The following ARHGAP26 variants were observed in gnomAD, a reference collection of about 807,000 sequenced individuals.
ARHGAP26 encodes the protein rho GTPase-activating protein 26.
Under a neutral mutation model 104.8 loss-of-function variants are expected in ARHGAP26, and 38 were observed. That is an observed-to-expected ratio of 0.36 (90% confidence interval 0.28 to 0.48). The LOEUF is 0.48. Among genes scored for constraint, ARHGAP26 ranks in the 20% least tolerant of loss-of-function variants. The probability of loss-of-function intolerance (pLI) is 0.99; values close to 1 mark genes in which losing one functional copy is unlikely to be tolerated. For synonymous variants in ARHGAP26, 341 were observed against 340.0 expected, an observed-to-expected ratio of 1.00 and a Z score of -0.03; for missense variants, 704 against 947.9, an observed-to-expected ratio of 0.74 and a Z score of 3.38.
intron 14 of ARHGAP26, among the ~76,000 whole-genome samples, chr5:143,043,924 A>G (rs1018438273): frequency 6.6e-6 from 1 of 152,226 alleles, no homozygotes; most frequent in South Asian, 2.1e-4. Flanking sequence ...CAAAGGGTCT[A>G]TGGTGGCTAC....
chr5:142,949,586 A>C (rs140598877), intron 11 of ARHGAP26, among the ~76,000 whole-genome samples: 1 of 152,134 alleles, frequency 6.6e-6, no homozygotes, highest in Non-Finnish European at 1.5e-5. Flanking sequence ...TTTCAGTACA[A>C]TGTTCTAAAC....
intron 1 of ARHGAP26, among the ~76,000 whole-genome samples, chr5:142,801,293 C>T (rs1762030974): frequency 6.6e-6 from 1 of 152,186 alleles, no homozygotes; most frequent in African/African-American, 2.4e-5. Context: ...TAGTGCTGCA[C>T]TGTGGGATAA....
chr5:143,157,218 C>T (rs1800589879), intron 20 of ARHGAP26, among the ~76,000 whole-genome samples: 1 of 148,426 alleles, frequency 6.7e-6, no homozygotes, highest in African/African-American at 2.5e-5. Flanking sequence ...ACTCTGTCAT[C>T]CAGGCTGGAG....
At chr5:143,186,112 T>A (rs1310137237) in intron 20 of ARHGAP26, among the ~76,000 whole-genome samples, 2 of 152,180 alleles carry the variant, frequency 1.3e-5, no homozygotes, top group African/African-American at 4.8e-5. Context: ...AGCCTAACAT[T>A]CAAGGATCCA....
chr5:142,987,931 C>T (rs917209661), intron 11 of ARHGAP26, among the ~76,000 whole-genome samples: 1 of 152,184 alleles, frequency 6.6e-6, no homozygotes, highest in Non-Finnish European at 1.5e-5. Flanking sequence ...CATTGATATT[C>T]ATCAGGGATA....
intron 2 of ARHGAP26, among the ~76,000 whole-genome samples, chr5:142,873,890 A>C (rs1202212521): frequency 6.6e-6 from 1 of 152,262 alleles, no homozygotes; most frequent in Non-Finnish European, 1.5e-5. Context: ...AGATGAGAAC[A>C]CAGCCCAGTT....
intron 11 of ARHGAP26, among the ~76,000 whole-genome samples, chr5:142,963,063 A>G (rs1770533055): frequency 6.6e-6 from 1 of 150,952 alleles, no homozygotes; most frequent in African/African-American, 2.4e-5. Context: ...TTGTTTTTCT[A>G]TTTCTGCGTT....
chr5:142,881,433 G>C (rs1210175751), intron 4 of ARHGAP26, among the ~76,000 whole-genome samples: 1 of 152,086 alleles, frequency 6.6e-6, no homozygotes. Flanking sequence ...GCGGCTGGGG[G>C]GTGGTATAGA....
At chr5:143,020,724 C>A (rs1780226431) in intron 12 of ARHGAP26, among the ~76,000 whole-genome samples, 1 of 151,116 alleles carries the variant, frequency 6.6e-6, no homozygotes, top group African/African-American at 2.4e-5. Flanking sequence ...CTGCAAGCTC[C>A]CCCTCCCGGG....
At chr5:142,963,228 GTGTGTGTA>G (rs1357857822) in intron 11 of ARHGAP26, among the ~76,000 whole-genome samples, 2 of 143,206 alleles carry the variant, frequency 1.4e-5, no homozygotes, top group African/African-American at 5.6e-5. Context: ...GTGCGCGTGT[GTGTGTGTA>G]CCACATTTTC....
intron 4 of ARHGAP26, 44 bp from the exon 5 acceptor site, chr5:142,885,254 C>A: frequency 6.5e-7 from 1 of 1,534,546 alleles, no homozygotes; most frequent in Non-Finnish European, 9.0e-7. Flanking sequence ...TTTATTCCTG[C>A]AACGTGTTAC....
intron 1 of ARHGAP26, among the ~76,000 whole-genome samples, chr5:142,781,982 T>G (rs1757605567): frequency 1.3e-5 from 2 of 152,232 alleles, no homozygotes; most frequent in Admixed American, 1.3e-4. Flanking sequence ...CCCAGAGTGC[T>G]GGGATTACAG....
intron 12 of ARHGAP26, among the ~76,000 whole-genome samples, chr5:143,015,042 A>G (rs1779399187): frequency 6.6e-6 from 1 of 152,180 alleles, no homozygotes; most frequent in Non-Finnish European, 1.5e-5. Context: ...TCTCTTCAAA[A>G]TATAATTTTT....
chr5:142,912,215 AC>A (rs1357772113), intron 9 of ARHGAP26, among the ~76,000 whole-genome samples: 2 of 152,278 alleles, frequency 1.3e-5, no homozygotes, highest in Non-Finnish European at 2.9e-5. Context: ...ACAATGGAAT[AC>A]TACTCAACAA....
At chr5:142,867,185 C>G (rs1349400579) in intron 1 of ARHGAP26, among the ~76,000 whole-genome samples, 1 of 152,066 alleles carries the variant, frequency 6.6e-6, no homozygotes, top group Non-Finnish European at 1.5e-5. Context: ...AAGGTGTTCT[C>G]TGATATAGTT....
intron 20 of ARHGAP26, among the ~76,000 whole-genome samples, chr5:143,160,311 A>T (rs1599296073): frequency 6.6e-6 from 1 of 151,954 alleles, no homozygotes. Context: ...CACCTGCCTC[A>T]GCCTCCCAAA....
chr5:143,045,824 C>A (rs1250921243), intron 14 of ARHGAP26, among the ~76,000 whole-genome samples: 1 of 152,090 alleles, frequency 6.6e-6, no homozygotes, highest in Non-Finnish European at 1.5e-5. Context: ...ATGGTGAAAC[C>A]CCATCTCTAC....
chr5:142,964,777 G>A (rs1771006961), intron 11 of ARHGAP26, among the ~76,000 whole-genome samples: 2 of 152,168 alleles, frequency 1.3e-5, no homozygotes, highest in Admixed American at 6.5e-5. Context: ...GCCTGTAGGG[G>A]CCAGCCTCAC....
intron 10 of ARHGAP26, among the ~76,000 whole-genome samples, chr5:142,924,135 G>A (rs1475116120): frequency 6.6e-6 from 1 of 152,090 alleles, no homozygotes; most frequent in Non-Finnish European, 1.5e-5. Flanking sequence ...GTGCTGAGAG[G>A]ATCAGATCCT....
Sources: gnomAD v4.1 joint callset for allele counts (sites outside exome capture counted in the v4.1 genomes callset) on GRCh38, gnomAD v4.1.1 for gene constraint, MANE v1.5 for transcripts, NCBI Gene and HGNC (gene_info 2026-07-23, HGNC 2026-07-21) for gene names.